SCHIP1: variants seen among roughly 807,000 people sequenced by gnomAD.
SCHIP1 encodes schwannomin interacting protein 1.
In SCHIP1, 8 loss-of-function variants were observed where a neutral mutation model predicts 29.7. The observed-to-expected ratio is 0.27, with a 90% CI of 0.16 to 0.49. The LOEUF (loss-of-function observed/expected upper bound fraction) is 0.49. Among genes scored for constraint, SCHIP1 ranks in the 20% least tolerant of loss-of-function variants. The probability of loss-of-function intolerance (pLI) is 0.99; values close to 1 mark genes in which losing one functional copy is unlikely to be tolerated. For synonymous variants in SCHIP1, 76 were observed against 94.9 expected (o/e 0.80, Z 1.16); for missense variants, 193 against 294.6 (o/e 0.66, Z 2.52).
the SCHIP1 span, among the ~76,000 whole-genome samples, chr3:159,430,916 C>G: frequency 6.6e-6 from 1 of 152,014 alleles, no homozygotes; most frequent in Non-Finnish European, 1.5e-5. Flanking sequence ...CCAAGCAGGC[C>G]AGGGATATCT....
chr3:159,779,008 T>C, the SCHIP1 span, among the ~76,000 whole-genome samples: 1 of 152,226 alleles, frequency 6.6e-6, no homozygotes, highest in Admixed American at 6.5e-5. Flanking sequence ...AGATTTTTTA[T>C]TGTTTTAAAG....
At chr3:159,542,896 A>T in the SCHIP1 span, among the ~76,000 whole-genome samples, 26 of 152,092 alleles carry the variant, frequency 1.7e-4, no homozygotes, top group Non-Finnish European at 2.9e-5. Context: ...TTGTTTCTGC[A>T]TCAAAATTAA....
intron 1 of SCHIP1, among the ~76,000 whole-genome samples, chr3:159,854,146 A>G (rs1366088406): frequency 6.6e-6 from 1 of 152,242 alleles, no homozygotes; most frequent in Admixed American, 6.5e-5. Context: ...ACAACATGGC[A>G]TAACATGAAG....
At chr3:159,406,131 C>G in the SCHIP1 span, among the ~76,000 whole-genome samples, 1,098 of 151,510 alleles carry the variant, frequency 7.2e-3, 16 homozygotes, top group African/African-American at 0.025. Context: ...GGTTATAGAA[C>G]AGCAAACAGA....
chr3:159,620,864 A>G, the SCHIP1 span, among the ~76,000 whole-genome samples: 1 of 152,200 alleles, frequency 6.6e-6, no homozygotes, highest in Non-Finnish European at 1.5e-5. Flanking sequence ...CTTTTTTTAA[A>G]AATTGTTTTA....
chr3:159,297,283 A>G, the SCHIP1 span, among the ~76,000 whole-genome samples: 1 of 152,084 alleles, frequency 6.6e-6, no homozygotes, highest in Non-Finnish European at 1.5e-5. Context: ...CCTCTTTGAC[A>G]CACTGATTTC....
the SCHIP1 span, among the ~76,000 whole-genome samples, chr3:159,809,702 A>G: frequency 6.6e-6 from 1 of 151,464 alleles, no homozygotes; most frequent in Non-Finnish European, 1.5e-5. Context: ...AAATAGCTTT[A>G]TTAACATATG....
At chr3:159,766,821 C>CCA in the SCHIP1 span, among the ~76,000 whole-genome samples, 4 of 152,120 alleles carry the variant, frequency 2.6e-5, no homozygotes, top group Non-Finnish European at 5.9e-5. Context: ...TGCCTTCCCT[C>CCA]CAGGAACTTA....
chr3:159,829,463 T>C, the SCHIP1 span, among the ~76,000 whole-genome samples: 1 of 152,172 alleles, frequency 6.6e-6, no homozygotes, highest in Non-Finnish European at 1.5e-5. Flanking sequence ...ACAAATGAGA[T>C]AGTCTATGGG....
chr3:159,483,361 A>G, the SCHIP1 span, among the ~76,000 whole-genome samples: 1 of 152,188 alleles, frequency 6.6e-6, no homozygotes, highest in Non-Finnish European at 1.5e-5. Flanking sequence ...GAAGGACAGG[A>G]AAGTATGTCT....
chr3:159,285,730 A>C, the SCHIP1 span, among the ~76,000 whole-genome samples: 1 of 152,194 alleles, frequency 6.6e-6, no homozygotes, highest in Admixed American at 6.5e-5. Context: ...TAATAATAAA[A>C]ACTAAAATTT....
chr3:159,380,126 T>A, the SCHIP1 span, among the ~76,000 whole-genome samples: 1 of 152,216 alleles, frequency 6.6e-6, no homozygotes, highest in Non-Finnish European at 1.5e-5. Context: ...TAAAGTTGCC[T>A]TGAGTGTCCA....
chr3:159,438,321 C>T, the SCHIP1 span, among the ~76,000 whole-genome samples: 1 of 152,100 alleles, frequency 6.6e-6, no homozygotes, highest in South Asian at 2.1e-4. Flanking sequence ...GATCACATCA[C>T]AAAGCCCACA....
At chr3:159,509,437 T>A in the SCHIP1 span, among the ~76,000 whole-genome samples, 1 of 152,202 alleles carries the variant, frequency 6.6e-6, no homozygotes, top group African/African-American at 2.4e-5. Context: ...CCAGTATGTG[T>A]CTTTTAATTG....
At chr3:159,536,448 T>A in the SCHIP1 span, among the ~76,000 whole-genome samples, 1 of 152,092 alleles carries the variant, frequency 6.6e-6, no homozygotes, top group African/African-American at 2.4e-5. Context: ...TAGGGCAGAG[T>A]CTTACATTTC....
the SCHIP1 span, among the ~76,000 whole-genome samples, chr3:159,332,364 A>T: frequency 2.6e-5 from 4 of 152,160 alleles, no homozygotes; most frequent in Admixed American, 2.0e-4. Context: ...AAGATCGCAG[A>T]CCTAATAAAT....
At chr3:159,354,017 A>C in the SCHIP1 span, among the ~76,000 whole-genome samples, 1 of 152,202 alleles carries the variant, frequency 6.6e-6, no homozygotes, top group Non-Finnish European at 1.5e-5. Context: ...TTCCTAGTGA[A>C]GTGCAAATTG....
chr3:159,670,560 CTTTT>C, the SCHIP1 span, among the ~76,000 whole-genome samples: 1 of 152,102 alleles, frequency 6.6e-6, no homozygotes, highest in Non-Finnish European at 1.5e-5. Context: ...ACACACTTTT[CTTTT>C]TGTTGCACAA....
the SCHIP1 span, among the ~76,000 whole-genome samples, chr3:159,617,535 C>T: frequency 1.3e-5 from 2 of 152,258 alleles, no homozygotes; most frequent in Admixed American, 1.3e-4. Flanking sequence ...CTTTTCATCT[C>T]TTCTTTTGTG....
Sources: allele counts gnomAD v4.1 joint callset (sites outside exome capture counted in the v4.1 genomes callset), GRCh38; gene constraint gnomAD v4.1.1; transcripts MANE v1.5; gene names NCBI Gene and HGNC (gene_info 2026-07-23, HGNC 2026-07-21).